DNAL4: variants seen among roughly 807,000 people sequenced by gnomAD.
The protein encoded by DNAL4 is dynein light chain, outer arm 4.
Under a neutral mutation model 12.6 loss-of-function variants are expected in DNAL4, and 10 were observed. That is an observed-to-expected ratio of 0.79 (90% CI 0.49 to 1.34). DNAL4 has a LOEUF of 1.34. Ranked by LOEUF, DNAL4 falls within the 40% of genes most tolerant of loss-of-function variation. The pLI is 0.00. For missense variants in DNAL4, 128 were observed against 138.1 expected (o/e 0.93, Z 0.37); for synonymous variants, 46 against 53.1 (o/e 0.87, Z 0.58).
At chr22:38,792,450 T>C (rs1288532108) in intron 1 of DNAL4, among the ~76,000 whole-genome samples, 1 of 152,196 alleles carries the variant, frequency 6.6e-6, no homozygotes, top group African/African-American at 2.4e-5. Flanking sequence ...GTCTGGCTAA[T>C]TTTTTGTATT....
At chr22:38,789,593 C>T (rs1023958305) in intron 1 of DNAL4, among the ~76,000 whole-genome samples, 11 of 151,992 alleles carry the variant, frequency 7.2e-5, no homozygotes, top group African/African-American at 2.2e-4. Flanking sequence ...GCTTTTTCAA[C>T]TACTCGACTA....
At position 38,779,496 on chromosome 22, in the gene DNAL4, G is replaced by C; in HGVS notation, c.271C>G (p.Leu91Val). 1 of 1,581,466 alleles carries C rather than the reference G, an allele frequency of 6.3e-7. No homozygotes were observed. Among genetic ancestry groups the C allele is most frequent in the East Asian group, 2.3e-5 (1 of 43,178 alleles). ...ITHEVKNLLY[L>V]YFGGTLAVCV... The stretch of plus-strand genomic sequence containing the variant: ...ACAGCCAGGGTGCCCCCGAAGTACA[G>C]GTAGAGGAGGTTCTTCACCTCGTGG... Residue 91 changes from leucine to valine, a missense_variant, in exon 4 of 4, where the codon CTG becomes GTG. Coordinates refer to ENST00000216068, the MANE Select transcript of DNAL4 (RefSeq NM_005740.3). The surrounding 1 kb of genome is among the most constrained non-coding windows in gnomAD (Gnocchi z 4.3).
At position 38,779,219 on chromosome 22, in the gene DNAL4, C is replaced by T; in HGVS notation, c.*230G>A. On this transcript the variant is annotated 3_prime_UTR_variant, in exon 4 of 4. Transcript: ENST00000216068. This position sits in a 1 kb window ranked among gnomAD's most constrained non-coding sequence, Gnocchi z 4.3. The stretch of plus-strand genomic sequence containing the variant: ...CCACCCCACGTCTCCCACACAGACC[C>T]ATGCCCGCTGCCCCGTCCACACCCT... The T allele has an allele frequency of 2.1e-6, 1 of 484,536 alleles. No individual in the cohort carries two copies. Among genetic ancestry groups the T allele is most frequent in the Non-Finnish European group, 3.6e-6 (1 of 280,974 alleles). 30.0% of individuals were successfully genotyped at this position (484,536 alleles called of 1,614,324 possible).
At chr22:38,783,592 G>T (rs1182797103) in intron 1 of DNAL4, among the ~76,000 whole-genome samples, 2 of 152,236 alleles carry the variant, frequency 1.3e-5, no homozygotes, top group Non-Finnish European at 2.9e-5. Flanking sequence ...GGCACACCAG[G>T]CTCCCTGGTT....
rs369474169 is a variant in DNAL4, at chr22:38,791,012, A to G, written c.-140+3056T>C. Among the ~76,000 whole-genome samples, 40 of 152,224 alleles carry G rather than the reference A, an allele frequency of 2.6e-4. 1 individual carries two copies. The East Asian group carries it at 4.3e-3, about 16-fold the overall frequency. ...GCAAAACCTCGTCTCTACTAAAAAT[A>G]CAAAAATTAGCTGGTGTTGTGGCGC... On this transcript the variant is annotated intron_variant, in intron 1 of 3. Coordinates refer to ENST00000216068, the MANE Select transcript of DNAL4 (RefSeq NM_005740.3).
intron 1 of DNAL4, among the ~76,000 whole-genome samples, chr22:38,784,653 G>C (rs2093039475): frequency 6.6e-6 from 1 of 152,052 alleles, no homozygotes; most frequent in African/African-American, 2.4e-5. Flanking sequence ...TGGGACTACA[G>C]GCGCCCACCA....
intron 3 of DNAL4, chr22:38,780,698 T>C (rs879850650): frequency 7.7e-6 from 4 of 520,762 alleles, no homozygotes; most frequent in Non-Finnish European, 1.4e-5. Context: ...AGGGGCGTCA[T>C]GGAGACCCCT....
intron 1 of DNAL4, chr22:38,785,831 T>C (rs1345309198): frequency 6.6e-6 from 1 of 152,232 alleles, no homozygotes; most frequent in African/African-American, 2.4e-5. Flanking sequence ...GCCCCAGGTA[T>C]GTGTATGTGA....
chr22:38,779,709 T>C lies in DNAL4; in HGVS notation c.154-96A>G. 6.9e-7 allele frequency: 1 copy of C among 1,442,274 alleles called. No individual in the cohort carries two copies. The highest frequency in any genetic ancestry group is 9.3e-7 in the Non-Finnish European group (1 of 1,078,550). The allele number at this position is 1,442,274 out of a possible 1,614,324, so 89.3% of individuals were successfully genotyped here. A position where few individuals can be genotyped will look rare whatever the true frequency, so the allele number is the denominator to read the frequency against. The stretch of plus-strand genomic sequence containing the variant: ...AAGGAGAAGGCTGGCACTGAGGTCT[T>C]GGCAAGAGAAAGGCCTGCTGTCCTA... On this transcript the variant is annotated intron_variant, in intron 3 of 3. Transcript: ENST00000216068. This position sits in a 1 kb window ranked among gnomAD's most constrained non-coding sequence, Gnocchi z 4.3.
chr22:38,791,316 C>T (rs1344210723), intron 1 of DNAL4, among the ~76,000 whole-genome samples: 1 of 152,074 alleles, frequency 6.6e-6, no homozygotes, highest in Non-Finnish European at 1.5e-5. Context: ...CAGGACATTA[C>T]TGGACACCAC....
intron 1 of DNAL4, among the ~76,000 whole-genome samples, chr22:38,787,546 C>T (rs1235712391): frequency 2.0e-5 from 3 of 152,156 alleles, no homozygotes; most frequent in Admixed American, 2.0e-4. Flanking sequence ...CTGGCAGCCT[C>T]AGTTTTCTCA....
At chr22:38,789,442 A>T (rs2093047262) in intron 1 of DNAL4, among the ~76,000 whole-genome samples, 3 of 151,902 alleles carry the variant, frequency 2.0e-5, no homozygotes, top group Middle Eastern at 6.8e-3. Flanking sequence ...TACTCGGCTA[A>T]TTTTTTTATT....
intron 2 of DNAL4, among the ~76,000 whole-genome samples, chr22:38,781,217 AG>A (rs2093033806): frequency 6.6e-6 from 1 of 152,264 alleles, no homozygotes; most frequent in Non-Finnish European, 1.5e-5. Context: ...TCTCAAGCCC[AG>A]GCTCTCTGCA....
In DNAL4 at chr22:38,782,589, G is replaced by A. The variant is rs2093035879; in HGVS notation, c.69+74C>T. On this transcript the variant is annotated intron_variant, in intron 2 of 3. Transcript: ENST00000216068. The surrounding 1 kb of genome is among the most constrained non-coding windows in gnomAD (Gnocchi z 5.1). ...TTCCTCCCACTGCCATCCTGCAAGG[G>A]ACAAGCTCCACCCACCTCTCTCCAG... is the stretch of plus-strand genomic sequence containing the variant. 1 of 1,523,764 alleles carries A rather than the reference G, an allele frequency of 6.6e-7. No individual in the cohort carries two copies. The highest frequency in any genetic ancestry group is 1.4e-5 in the African/African-American group (1 of 72,376). The allele number at this position is 1,523,764 out of a possible 1,614,324, so 94.4% of individuals were successfully genotyped here. A position where few individuals can be genotyped will look rare whatever the true frequency, so the allele number is the denominator to read the frequency against.
chr22:38,793,830 G>C (rs1298106129), intron 1 of DNAL4, among the ~76,000 whole-genome samples: 2 of 152,000 alleles, frequency 1.3e-5, no homozygotes, highest in Non-Finnish European at 2.9e-5. Flanking sequence ...TGGGTGGGTG[G>C]GGAAGAGCAG....
At chr22:38,792,003 C>T (rs1324015914) in intron 1 of DNAL4, among the ~76,000 whole-genome samples, 2 of 152,048 alleles carry the variant, frequency 1.3e-5, no homozygotes, top group Non-Finnish European at 2.9e-5. Context: ...CCATGCCTGG[C>T]CACTACTGTA....
chr22:38,785,253 C>G (rs2093040522), intron 1 of DNAL4: 1 of 152,240 alleles, frequency 6.6e-6, no homozygotes, highest in South Asian at 2.1e-4. Context: ...GCTTCCTCCT[C>G]TACCTTTGTC....
chr22:38,781,105 A>G, intron 2 of DNAL4, 96 bp from the exon 3 acceptor site: 1 of 1,388,840 alleles, frequency 7.2e-7, no homozygotes, highest in Non-Finnish European at 1.0e-6. Flanking sequence ...AGGCATGGAC[A>G]GCAGGTAGCC....
chr22:38,780,875 C>T, intron 3 of DNAL4, 51 bp downstream of exon 3: 1 of 1,592,788 alleles, frequency 6.3e-7, no homozygotes, highest in African/African-American at 1.3e-5. Flanking sequence ...ACTTTATTCA[C>T]CCACAGGGGC....
Sources: allele counts gnomAD v4.1 joint callset (sites outside exome capture counted in the v4.1 genomes callset), GRCh38; gene constraint gnomAD v4.1.1; non-coding constraint Gnocchi (gnomAD v3.1); transcripts MANE v1.5; gene names NCBI Gene and HGNC (gene_info 2026-07-23, HGNC 2026-07-21).